The following SLC22A3 variants were observed in gnomAD, a reference collection of about 807,000 sequenced individuals.
SLC22A3 encodes solute carrier family 22 member 3.
Under a neutral mutation model 59.1 loss-of-function variants are expected in SLC22A3, and 51 were observed. That is an observed-to-expected ratio of 0.86 (90% CI 0.69 to 1.09). The LOEUF (loss-of-function observed/expected upper bound fraction) is 1.09. Among genes scored for constraint, SLC22A3 ranks in the 50% least tolerant of loss-of-function variants. SLC22A3 has a pLI of 0.00. For missense variants in SLC22A3, 711 were observed against 726.3 expected (o/e 0.98, Z 0.24); for synonymous variants, 325 against 292.0 (o/e 1.11, Z -1.15).
At chr6:160,416,316 G>T (rs1424705839) in intron 5 of SLC22A3, among the ~76,000 whole-genome samples, 1 of 152,162 alleles carries the variant, frequency 6.6e-6, no homozygotes, top group Admixed American at 6.5e-5. Context: ...GCTCCTAGGA[G>T]GTTAGGTAGA....
intron 1 of SLC22A3, among the ~76,000 whole-genome samples, chr6:160,393,491 C>T (rs528953345): frequency 6.7e-6 from 1 of 148,334 alleles, no homozygotes; most frequent in African/African-American, 2.5e-5. Flanking sequence ...TTCCTGTGTC[C>T]ATGTGTTCTC....
intron 1 of SLC22A3, among the ~76,000 whole-genome samples, chr6:160,371,634 C>T (rs1276785080): frequency 6.6e-6 from 1 of 152,188 alleles, no homozygotes; most frequent in Admixed American, 6.5e-5. Context: ...AATAGTGCCA[C>T]AATAAACATA....
rs142384913 is a variant in SLC22A3 at position 160,350,258 on chromosome 6, G to A, written c.429+1410G>A. Among the ~76,000 whole-genome samples the A allele has an allele frequency of 5.9e-5, 9 of 151,918 alleles. No homozygotes were observed. The East Asian group carries it at 1.7e-3, about 29-fold the overall frequency. The stretch of plus-strand genomic sequence containing the variant: ...CCAGGCAATGTGTATGTGTGTTCAG[G>A]GTGTTTCTATAATGCCACATGCAAG... On this transcript the variant is annotated intron_variant, in intron 1 of 10. Transcript: ENST00000275300.
intron 1 of SLC22A3, among the ~76,000 whole-genome samples, chr6:160,365,297 C>A (rs997350967): frequency 6.6e-6 from 1 of 152,164 alleles, no homozygotes; most frequent in Non-Finnish European, 1.5e-5. Context: ...TTGTGACTCA[C>A]CCAAGTTAAG....
intron 1 of SLC22A3, among the ~76,000 whole-genome samples, chr6:160,356,445 G>A (rs765714055): frequency 3.9e-5 from 6 of 152,316 alleles, no homozygotes; most frequent in South Asian, 2.1e-4. Flanking sequence ...ATGTGCTGAC[G>A]TCCATTGTGC....
intron 5 of SLC22A3, among the ~76,000 whole-genome samples, chr6:160,427,081 C>T (rs1787989017): frequency 6.6e-6 from 1 of 152,096 alleles, no homozygotes; most frequent in African/African-American, 2.4e-5. Context: ...AGGACTCTCC[C>T]AGCAGGCAGG....
In SLC22A3 at chr6:160,368,723, G is replaced by C. The variant is rs146054082; in HGVS notation, c.429+19875G>C. Among the ~76,000 whole-genome samples the C allele has an allele frequency of 5.3e-5, 8 of 152,172 alleles. No individual in the cohort carries two copies. The East Asian group carries it at 1.5e-3, about 29-fold the overall frequency. ...CTGTTCACTCACCTCCTCACCCCTG[G>C]TCTTATGTATCACACCAAAGTGTCA... On this transcript the variant is annotated intron_variant, in intron 1 of 10. Coordinates refer to ENST00000275300, the MANE Select transcript of SLC22A3 (RefSeq NM_021977.4).
intron 1 of SLC22A3, among the ~76,000 whole-genome samples, chr6:160,368,509 G>C (rs443043): frequency 0.28 from 42,412 of 151,960 alleles, 6,367 homozygotes; most frequent in East Asian, 0.4. Flanking sequence ...AAGTTCACCT[G>C]CTATTTAAAG....
Position 160,348,823 on chromosome 6 carries a change from A to G in SLC22A3, c.404A>G (p.Gln135Arg). The G allele has an allele frequency of 6.3e-7, 1 of 1,582,712 alleles. No individual in the cohort carries two copies. The highest frequency in any genetic ancestry group is 8.5e-7 in the Non-Finnish European group (1 of 1,172,850). ...TGCCGCGGCGGCTGGCGCTACGCCCAGGCCCACTCCACCATCGTCAGCGAG... is the reference window on the plus strand; with the variant it reads ...TGCCGCGGCGGCTGGCGCTACGCCCGGGCCCACTCCACCATCGTCAGCGAG... Reference protein sequence around the residue: ...VPCRGGWRYAQAHSTIVSEFD... With the variant: ...VPCRGGWRYARAHSTIVSEFD... The change falls in exon 1 of 11, where the codon CAG becomes CGG. Residue 135 changes from glutamine to arginine, a missense_variant. By Grantham distance (43) the Gln-to-Arg change is conservative. Coordinates refer to ENST00000275300, the MANE Select transcript of SLC22A3 (RefSeq NM_021977.4).
chr6:160,417,297 G>GT (rs1401406809), intron 5 of SLC22A3, among the ~76,000 whole-genome samples: 1 of 152,166 alleles, frequency 6.6e-6, no homozygotes, highest in African/African-American at 2.4e-5. Context: ...AATCAGTGCT[G>GT]TTCCTTCAGG....
chr6:160,436,636 G>A, intron 5 of SLC22A3, 144 bp from the exon 6 acceptor site: 1 of 646,318 alleles, frequency 1.5e-6, no homozygotes, highest in Non-Finnish European at 2.7e-6. Context: ...GAGCAGAAGT[G>A]TTTTAATTGT....
rs1032317826 is a variant in SLC22A3 at position 160,452,371 on chromosome 6, T to A, written c.*1315T>A. 10 of 152,146 alleles carry A rather than the reference T, an allele frequency of 6.6e-5. No individual in the cohort carries two copies. Among genetic ancestry groups the A allele is most frequent in the African/African-American group, 2.4e-4 (10 of 41,438 alleles). 9.4% of individuals were successfully genotyped at this position (152,146 alleles called of 1,614,324 possible). ...TGAGCATCTTAGTCTTTAAAACACA[T>A]CAGAATTGAATACGAATAATCTATT... On this transcript the variant is annotated 3_prime_UTR_variant, in exon 11 of 11. Coordinates refer to ENST00000275300, the MANE Select transcript of SLC22A3 (RefSeq NM_021977.4).
At chr6:160,356,411 T>G (rs562519915) in intron 1 of SLC22A3, among the ~76,000 whole-genome samples, 21 of 152,352 alleles carry the variant, frequency 1.4e-4, no homozygotes, top group African/African-American at 5.1e-4. Flanking sequence ...ATAGAACTGC[T>G]GGCTCTTTGG....
intron 10 of SLC22A3, 103 bp downstream of exon 10, chr6:160,447,921 GAAT>G: frequency 1.1e-6 from 1 of 921,134 alleles, no homozygotes; most frequent in Middle Eastern, 2.2e-4. Context: ...AAAAAAATAA[GAAT>G]AAATCCTCAT....
At chr6:160,359,911 C>T (rs1784959855) in intron 1 of SLC22A3, among the ~76,000 whole-genome samples, 1 of 152,190 alleles carries the variant, frequency 6.6e-6, no homozygotes, top group African/African-American at 2.4e-5. Context: ...TTAATTATGA[C>T]TCCTTTTTTG....
intron 1 of SLC22A3, among the ~76,000 whole-genome samples, chr6:160,372,014 T>C (rs1461786370): frequency 6.6e-6 from 1 of 152,182 alleles, no homozygotes; most frequent in Non-Finnish European, 1.5e-5. Flanking sequence ...TGCCCACTTT[T>C]TGATGGGGTT....
In SLC22A3 at chr6:160,373,073, G is replaced by A. The variant is rs150452365; in HGVS notation, c.429+24225G>A. Among the ~76,000 whole-genome samples the A allele has an allele frequency of 4.7e-3, 711 of 152,274 alleles. 3 individuals carry two copies. Among genetic ancestry groups the A allele is most frequent in the African/African-American group, 0.016 (684 of 41,532 alleles). On this transcript the variant is annotated intron_variant, in intron 1 of 10. Coordinates refer to ENST00000275300, the MANE Select transcript of SLC22A3 (RefSeq NM_021977.4). ...TGGCAAGGACTTGTGATCCCTTGGCGAGAAGCAGTGTCCTGGCTTTTGGAA... is the reference window on the plus strand; with the variant it reads ...TGGCAAGGACTTGTGATCCCTTGGCAAGAAGCAGTGTCCTGGCTTTTGGAA...
intron 1 of SLC22A3, among the ~76,000 whole-genome samples, chr6:160,380,597 T>A (rs749875408): frequency 6.6e-6 from 1 of 152,182 alleles, no homozygotes; most frequent in Non-Finnish European, 1.5e-5. Flanking sequence ...AATATGCATA[T>A]CAGTGTGGAA....
intron 1 of SLC22A3, among the ~76,000 whole-genome samples, chr6:160,393,093 AT>A (rs910404929): frequency 6.6e-5 from 10 of 151,934 alleles, no homozygotes; most frequent in African/African-American, 2.2e-4. Flanking sequence ...GCTATTTCCG[AT>A]GGCTTATAAC....
Sources: gnomAD v4.1 joint callset for allele counts (sites outside exome capture counted in the v4.1 genomes callset) on GRCh38, gnomAD v4.1.1 for gene constraint, MANE v1.5 for transcripts, NCBI Gene and HGNC (gene_info 2026-07-23, HGNC 2026-07-21) for gene names.